Variants in FRY observed in about 807,000 individuals in gnomAD.
The protein encoded by FRY is protein furry homolog.
Under a neutral mutation model 348.4 loss-of-function variants are expected in FRY, and 128 were observed. The observed-to-expected ratio is 0.37, with a 90% CI of 0.32 to 0.43. The LOEUF (loss-of-function observed/expected upper bound fraction) is 0.43, where lower values mean the gene tolerates loss of function less well. Ranked by LOEUF, FRY falls within the 20% of genes least tolerant of loss-of-function variation. FRY has a pLI of 1.00. For missense variants in FRY, 2,736 were observed against 3,695.2 expected, an observed-to-expected ratio of 0.74 and a Z score of 6.73; for synonymous variants, 1,370 against 1,374.7, an observed-to-expected ratio of 1.00 and a Z score of 0.08.
At chr13:32,157,725 C>T (rs1881196187) in intron 16 of FRY, among the ~76,000 whole-genome samples, 1 of 152,130 alleles carries the variant, frequency 6.6e-6, no homozygotes, top group Non-Finnish European at 1.5e-5. Flanking sequence ...TAGTGACATC[C>T]CAAATTTACA....
At chr13:32,033,489 C>G (rs1304872068) in intron 1 of FRY, among the ~76,000 whole-genome samples, 2 of 152,050 alleles carry the variant, frequency 1.3e-5, no homozygotes, top group Non-Finnish European at 2.9e-5. Context: ...AATTTCTCTC[C>G]CCTTGTCTAT....
At chr13:32,043,334 A>G in intron 1 of FRY, among the ~76,000 whole-genome samples, 1 of 152,242 alleles carries the variant, frequency 6.6e-6, no homozygotes, top group African/African-American at 2.4e-5. Context: ...ATATCACGGT[A>G]GATGACTATT....
At chr13:32,164,844 C>G (rs1881645026) in intron 17 of FRY, among the ~76,000 whole-genome samples, 1 of 152,208 alleles carries the variant, frequency 6.6e-6, no homozygotes, top group Non-Finnish European at 1.5e-5. Flanking sequence ...AGTTCCTGCT[C>G]TGTCATTTGA....
rs192059284 is a variant in FRY, at chr13:32,037,347, G to A, written c.70+5482G>A. On this transcript the variant is annotated intron_variant, in intron 1 of 60. Transcript: ENST00000542859. Reference sequence around the variant, plus strand: ...TGGTAGTTTGCTTGCCTTGCTGAGCGTTCTCTGATATATTGTTTTTCTGTT... The same window carrying A: ...TGGTAGTTTGCTTGCCTTGCTGAGCATTCTCTGATATATTGTTTTTCTGTT... 7.8e-4 allele frequency among the ~76,000 whole-genome samples: 119 copies of A among 152,230 alleles called. 1 individual carries two copies. The highest frequency in any genetic ancestry group is 2.8e-3 in the African/African-American group (115 of 41,526).
intron 4 of FRY, among the ~76,000 whole-genome samples, chr13:32,123,990 A>C (rs1878861594): frequency 6.6e-6 from 1 of 152,100 alleles, no homozygotes; most frequent in African/African-American, 2.4e-5. Flanking sequence ...ATGGGCTACC[A>C]TGCCACCTGG....
intron 52 of FRY, 127 bp from the exon 53 acceptor site, chr13:32,262,187 G>A (rs1887684730): frequency 6.7e-6 from 5 of 749,610 alleles, no homozygotes; most frequent in Non-Finnish European, 1.2e-5. Context: ...CTATGTTTAA[G>A]GCCCAATAAT....
chr13:32,127,608 T>TCTA (rs1359433606), intron 7 of FRY, among the ~76,000 whole-genome samples: 1 of 152,080 alleles, frequency 6.6e-6, no homozygotes, highest in Admixed American at 6.6e-5. Context: ...AAACCCCGTC[T>TCTA]CTACTAAAAA....
At chr13:32,243,723 C>T (rs1886629918) in intron 46 of FRY, among the ~76,000 whole-genome samples, 1 of 152,066 alleles carries the variant, frequency 6.6e-6, no homozygotes, top group African/African-American at 2.4e-5. Flanking sequence ...ATATTTACAC[C>T]TCCACACATG....
chr13:32,073,468 T>C (rs998756979), intron 1 of FRY, among the ~76,000 whole-genome samples: 7 of 152,202 alleles, frequency 4.6e-5, no homozygotes, highest in Non-Finnish European at 8.8e-5. Context: ...TCTAGCCACT[T>C]ACTCTGTTTA....
chr13:32,289,173 C>G (rs533082290), intron 58 of FRY, among the ~76,000 whole-genome samples: 2 of 151,774 alleles, frequency 1.3e-5, no homozygotes, highest in African/African-American at 4.9e-5. Context: ...ATCAGTAAGC[C>G]TGACTGTTAG....
chr13:32,094,026 A>C (rs1264845966), intron 2 of FRY, among the ~76,000 whole-genome samples: 1 of 152,202 alleles, frequency 6.6e-6, no homozygotes, highest in Non-Finnish European at 1.5e-5. Flanking sequence ...CTTTGCCATA[A>C]TCAGTTTCCA....
At chr13:32,110,483 G>T (rs768813455) in intron 3 of FRY, among the ~76,000 whole-genome samples, 1 of 152,080 alleles carries the variant, frequency 6.6e-6, no homozygotes, top group Non-Finnish European at 1.5e-5. Context: ...ATTTTTAAAA[G>T]TGAAAAAGCA....
intron 41 of FRY, among the ~76,000 whole-genome samples, chr13:32,231,896 C>A (rs1193685935): frequency 6.6e-6 from 1 of 152,236 alleles, no homozygotes; most frequent in Admixed American, 6.5e-5. Context: ...AAAACCATCT[C>A]TACCTTTTTT....
chr13:32,245,043 G>A (rs539112338), intron 47 of FRY, among the ~76,000 whole-genome samples: 8 of 152,110 alleles, frequency 5.3e-5, no homozygotes, highest in Admixed American at 1.3e-4. Flanking sequence ...TCCACCTCCC[G>A]GGTTCAAGCG....
intron 28 of FRY, 77 bp from the exon 29 acceptor site, chr13:32,194,065 AC>A (rs1883526101): frequency 7.2e-7 from 1 of 1,382,624 alleles, no homozygotes; most frequent in African/African-American, 1.4e-5. Context: ...GTTTATATTG[AC>A]TAAGCTTTAT....
chr13:32,264,811 C>T lies in FRY; in HGVS notation c.7780-639C>T, dbSNP rs118161095. ...GGGTAAAGCATACATGCAAATGGAT[C>T]TTAGAGGATCCCCTATATGGAAAGA... On this transcript the variant is annotated intron_variant, in intron 53 of 60. Transcript: ENST00000542859. Among the ~76,000 whole-genome samples the T allele has an allele frequency of 2.2e-4, 34 of 152,294 alleles. No homozygotes were observed. The East Asian group carries it at 6.4e-3, about 29-fold the overall frequency.
At chr13:32,034,163 G>A (rs754663703) in intron 1 of FRY, among the ~76,000 whole-genome samples, 2 of 152,186 alleles carry the variant, frequency 1.3e-5, no homozygotes, top group Non-Finnish European at 2.9e-5. Flanking sequence ...ATTTACAAAA[G>A]TGCAGTAATT....
chr13:32,193,591 C>G (rs1593721142), intron 28 of FRY, among the ~76,000 whole-genome samples: 1 of 130,286 alleles, frequency 7.7e-6, no homozygotes, highest in African/African-American at 2.9e-5. Flanking sequence ...AGTCTTCGTC[C>G]TTTTTTTTTT....
chr13:32,041,887 G>A (rs1165570695), intron 1 of FRY, among the ~76,000 whole-genome samples: 4 of 152,172 alleles, frequency 2.6e-5, no homozygotes, highest in Admixed American at 2.6e-4. Context: ...TTTTGAAGGT[G>A]TTTGAAAACC....
Sources: allele counts gnomAD v4.1 joint callset (sites outside exome capture counted in the v4.1 genomes callset), GRCh38; gene constraint gnomAD v4.1.1; transcripts MANE v1.5; gene names NCBI Gene and HGNC (gene_info 2026-07-23, HGNC 2026-07-21).